The following PPP3CA variants were observed in gnomAD, a reference collection of about 807,000 sequenced individuals.
PPP3CA encodes protein phosphatase 3 catalytic subunit alpha, also known as CAM-PRP catalytic subunit.
Under a neutral mutation model 66.5 loss-of-function variants are expected in PPP3CA, and 14 were observed. That is an observed-to-expected ratio of 0.21 (90% CI 0.14 to 0.33). The LOEUF (loss-of-function observed/expected upper bound fraction) is 0.33, where lower values mean the gene tolerates loss of function less well. PPP3CA is among the 10% of genes least tolerant of loss of function. The pLI is 1.00. For synonymous variants in PPP3CA, 232 were observed against 226.2 expected, an observed-to-expected ratio of 1.03 and a Z score of -0.23; for missense variants, 317 against 639.5, an observed-to-expected ratio of 0.50 and a Z score of 5.44.
At chr4:101,331,289 G>T (rs997998273) in intron 1 of PPP3CA, among the ~76,000 whole-genome samples, 3 of 152,090 alleles carry the variant, frequency 2.0e-5, no homozygotes, top group Non-Finnish European at 4.4e-5. Context: ...TAATATACAT[G>T]CAAGGCATGG....
chr4:101,131,876 A>G lies in PPP3CA; in HGVS notation c.260-22798T>C, dbSNP rs545322132. Among the ~76,000 whole-genome samples, 72 of 152,332 alleles carry G rather than the reference A, an allele frequency of 4.7e-4. 1 individual carries two copies. The South Asian group carries it at 0.014, about 29-fold the overall frequency. The stretch of plus-strand genomic sequence containing the variant: ...AAGTAAAACACTTCTCAGCAAATGT[A>G]AAAGAATGGAAATCATAATGAACAG... On this transcript the variant is annotated intron_variant, in intron 2 of 13. Coordinates refer to ENST00000394854, the MANE Select transcript of PPP3CA (RefSeq NM_000944.5).
intron 1 of PPP3CA, among the ~76,000 whole-genome samples, chr4:101,232,625 G>A (rs1413466028): frequency 4.0e-5 from 6 of 151,672 alleles, no homozygotes; most frequent in African/African-American, 1.5e-4. Context: ...AAACACTTAT[G>A]AGTTTAATTT....
Position 101,080,514 on chromosome 4 carries a change from G to T in PPP3CA, c.955+18C>A, listed in dbSNP as rs370681817. 261 of 1,293,280 alleles carry T rather than the reference G, an allele frequency of 2.0e-4. No individual in the cohort carries two copies. Among genetic ancestry groups the T allele is most frequent in the Non-Finnish European group, 2.6e-4 (240 of 941,142 alleles). 80.1% of individuals were successfully genotyped at this position (1,293,280 alleles called of 1,614,324 possible). On this transcript the variant is annotated intron_variant, in intron 8 of 13. Transcript: ENST00000394854. ...CACATATTATGTAAGACTGCAAGAG[G>T]TATTTAAAAACACTTACCTTTGTTA... is the stretch of plus-strand genomic sequence containing the variant.
rs561619858 is a variant in PPP3CA, at chr4:101,077,829, T to G, written c.955+2703A>C. ...TCAGTGATGCACTGGTATCTGTTTT[T>G]TTTTTTTTTTTTAAGTTCCAAACTT... On this transcript the variant is annotated intron_variant, in intron 8 of 13. Transcript: ENST00000394854. Among the ~76,000 whole-genome samples, 5 of 151,970 alleles carry G rather than the reference T, an allele frequency of 3.3e-5. No homozygotes were observed. In the East Asian group the frequency reaches 9.6e-4, roughly 29 times the overall value.
chr4:101,166,687 C>G (rs1324600714), intron 2 of PPP3CA, among the ~76,000 whole-genome samples: 1 of 152,042 alleles, frequency 6.6e-6, no homozygotes, highest in Non-Finnish European at 1.5e-5. Flanking sequence ...CTCTATGAAG[C>G]CAATATTTGA....
rs1726575953 is a variant in PPP3CA, at chr4:101,025,278, T to C, written c.*587A>G. 6.6e-6 allele frequency: 1 copy of C among 150,690 alleles called. No homozygotes were observed. The highest frequency in any genetic ancestry group is 1.9e-4 in the East Asian group (1 of 5,182). 9.3% of individuals were successfully genotyped at this position (150,690 alleles called of 1,614,324 possible). ...GTCCTTTTTGGCATTTTAACAAATT[T>C]GCAACGTTCTTTTTTTTCTTTTTCT... On this transcript the variant is annotated 3_prime_UTR_variant, in exon 14 of 14. Transcript: ENST00000394854.
At chr4:101,307,895 T>G (rs1232240248) in intron 1 of PPP3CA, among the ~76,000 whole-genome samples, 1 of 152,232 alleles carries the variant, frequency 6.6e-6, no homozygotes, top group African/African-American at 2.4e-5. Context: ...CATGTTAAGT[T>G]AGGTTTCAGT....
At chr4:101,259,258 C>T (rs1446756606) in intron 1 of PPP3CA, among the ~76,000 whole-genome samples, 1 of 152,076 alleles carries the variant, frequency 6.6e-6, no homozygotes, top group South Asian at 2.1e-4. Context: ...ATGAACCCAG[C>T]GGATAGGAAT....
chr4:101,139,007 A>G (rs971354967), intron 2 of PPP3CA, among the ~76,000 whole-genome samples: 1 of 152,182 alleles, frequency 6.6e-6, no homozygotes, highest in East Asian at 1.9e-4. Flanking sequence ...TAATCCTCAA[A>G]TAAAACAGTA....
chr4:101,119,379 T>G (rs1203646840), intron 2 of PPP3CA, among the ~76,000 whole-genome samples: 1 of 152,076 alleles, frequency 6.6e-6, no homozygotes, highest in African/African-American at 2.4e-5. Context: ...TTTTCTTTTG[T>G]AGCAAAGCTC....
At chr4:101,263,771 T>A (rs1727080441) in intron 1 of PPP3CA, among the ~76,000 whole-genome samples, 1 of 152,064 alleles carries the variant, frequency 6.6e-6, no homozygotes. Context: ...GAAAAAAAAA[T>A]CCACTTAACC....
intron 2 of PPP3CA, among the ~76,000 whole-genome samples, chr4:101,148,157 A>C: frequency 6.6e-6 from 1 of 152,162 alleles, no homozygotes; most frequent in Middle Eastern, 3.2e-3. Flanking sequence ...ATTTTGAAAA[A>C]TCTGGTCTTA....
At chr4:101,200,644 G>A (rs767543065) in intron 1 of PPP3CA, among the ~76,000 whole-genome samples, 3 of 152,068 alleles carry the variant, frequency 2.0e-5, no homozygotes, top group Non-Finnish European at 4.4e-5. Context: ...GGAAACATAA[G>A]TATATCCGAA....
At chr4:101,214,901 C>T (rs1475184321) in intron 1 of PPP3CA, among the ~76,000 whole-genome samples, 1 of 152,116 alleles carries the variant, frequency 6.6e-6, no homozygotes, top group Non-Finnish European at 1.5e-5. Flanking sequence ...TCCTCCTAGA[C>T]ATTTACCTCA....
intron 3 of PPP3CA, among the ~76,000 whole-genome samples, chr4:101,102,235 G>A (rs561936171): frequency 6.6e-6 from 1 of 151,344 alleles, no homozygotes; most frequent in Non-Finnish European, 1.5e-5. Context: ...AAGAAAGGAG[G>A]GAGGGAGGCA....
At chr4:101,275,258 C>T (rs58084948) in intron 1 of PPP3CA, among the ~76,000 whole-genome samples, 5,775 of 152,246 alleles carry the variant, frequency 0.038, 352 homozygotes, top group African/African-American at 0.13. Context: ...TGGTTAACTG[C>T]CACCCATATC....
intron 8 of PPP3CA, 148 bp from the exon 9 acceptor site, chr4:101,063,505 A>G: frequency 1.3e-6 from 1 of 799,162 alleles, no homozygotes; most frequent in South Asian, 2.4e-5. Flanking sequence ...TGCTTATACA[A>G]CTTATGGACT....
intron 2 of PPP3CA, among the ~76,000 whole-genome samples, chr4:101,147,635 T>C (rs1723011860): frequency 6.6e-6 from 1 of 152,154 alleles, no homozygotes; most frequent in African/African-American, 2.4e-5. Context: ...TTTAAAACTG[T>C]AATGCATTCA....
chr4:101,053,019 T>C (rs1728076973), intron 10 of PPP3CA, among the ~76,000 whole-genome samples: 1 of 152,172 alleles, frequency 6.6e-6, no homozygotes, highest in South Asian at 2.1e-4. Context: ...TTAATTCTTA[T>C]TCTACTTGAC....
Sources: gnomAD v4.1 joint callset for allele counts (sites outside exome capture counted in the v4.1 genomes callset) on GRCh38, gnomAD v4.1.1 for gene constraint, MANE v1.5 for transcripts, NCBI Gene and HGNC (gene_info 2026-07-23, HGNC 2026-07-21) for gene names.